Variants in TMEM168 observed in about 807,000 individuals in gnomAD.
TMEM168 encodes transmembrane protein 168.
Under a neutral mutation model 53.2 loss-of-function variants are expected in TMEM168, and 40 were observed. That is an observed-to-expected ratio of 0.75 (90% CI 0.58 to 0.98). The LOEUF (loss-of-function observed/expected upper bound fraction) is 0.98, where lower values mean the gene tolerates loss of function less well. Among genes scored for constraint, TMEM168 ranks in the 50% least tolerant of loss-of-function variants. The pLI, the probability that TMEM168 is intolerant of heterozygous loss-of-function variation, is 0.00. For missense variants in TMEM168, 771 were observed against 828.8 expected, an observed-to-expected ratio of 0.93 and a Z score of 0.86; for synonymous variants, 282 against 293.0, an observed-to-expected ratio of 0.96 and a Z score of 0.38.
chr7:112,785,925 G>A (rs1212219087), intron 1 of TMEM168, among the ~76,000 whole-genome samples: 2 of 152,100 alleles, frequency 1.3e-5, no homozygotes, highest in Admixed American at 1.3e-4. Context: ...AAAGAAACTA[G>A]GGCCAGGCAC....
Position 112,767,205 on chromosome 7 carries a change from T to G in TMEM168, c.2086A>C (p.Lys696Gln). 1.2e-6 allele frequency: 2 copies of G among 1,608,420 alleles called. No homozygotes were observed. Among genetic ancestry groups the G allele is most frequent in the Non-Finnish European group, 1.7e-6 (2 of 1,177,504 alleles). The change falls in exon 5 of 5, where the codon AAA becomes CAA. Residue 696 changes from lysine to glutamine, a missense_variant. Lys to Gln is a moderately conservative substitution (Grantham distance 53). Transcript: ENST00000312814. ...LDTGQGFKLV[K>Q]S is the part of the protein sequence containing the mutation. ...CCGCTTTGGGGTCCAAATTAAGATT[T>G]GACAAGTTTGAAGCCTTGTCCTGTG...
chr7:112,780,433 T>C (rs904987414), intron 2 of TMEM168, among the ~76,000 whole-genome samples: 1 of 152,210 alleles, frequency 6.6e-6, no homozygotes, highest in African/African-American at 2.4e-5. Context: ...CTGCAAATAA[T>C]TTCAGTGTCT....
At chr7:112,789,185 C>A (rs1793474627) in intron 1 of TMEM168, among the ~76,000 whole-genome samples, 1 of 152,164 alleles carries the variant, frequency 6.6e-6, no homozygotes, top group South Asian at 2.1e-4. Context: ...CTGGCTTATT[C>A]CAACTCTTCA....
At chr7:112,780,113 T>G (rs1793189105) in intron 2 of TMEM168, among the ~76,000 whole-genome samples, 1 of 152,202 alleles carries the variant, frequency 6.6e-6, no homozygotes, top group Non-Finnish European at 1.5e-5. Flanking sequence ...GTGGAAGAAG[T>G]AGGGCATAGT....
At position 112,772,931 on chromosome 7, in the gene TMEM168, C is replaced by T; in HGVS notation, c.1396G>A (p.Asp466Asn). The T allele has an allele frequency of 6.2e-7, 1 of 1,614,060 alleles. No individual in the cohort carries two copies. The highest frequency in any genetic ancestry group is 1.1e-5 in the South Asian group (1 of 91,082). The change falls in exon 4 of 5, where the codon GAC becomes AAC. Residue 466 changes from aspartate (D) to asparagine (N), a missense_variant. Asp to Asn is a conservative substitution (Grantham distance 23). Coordinates refer to ENST00000312814, the MANE Select transcript of TMEM168 (RefSeq NM_022484.6). Reference protein sequence around the residue: ...AYHMIETYGCDYSTSGLSFDT... With the variant: ...AYHMIETYGCNYSTSGLSFDT... ...AATGACAGTCCACTTGTGGAATAGT[C>T]ACATCCATAGGTCTCAATCATATGA...
At chr7:112,783,619 C>T (rs1421400805) in intron 2 of TMEM168, 79 bp downstream of exon 2, 4 of 1,321,442 alleles carry the variant, frequency 3.0e-6, no homozygotes, top group Admixed American at 2.8e-5. Context: ...GGAACTTGAC[C>T]TTATAACTTT....
chr7:112,764,147 A>T lies in TMEM168; in HGVS notation c.*3050T>A, dbSNP rs1792716261. 6.6e-6 allele frequency: 1 copy of T among 151,754 alleles called. No individual in the cohort carries two copies. Among genetic ancestry groups the T allele is most frequent in the East Asian group, 1.9e-4 (1 of 5,202 alleles). 9.4% of individuals were successfully genotyped at this position (151,754 alleles called of 1,614,324 possible). A position where few individuals can be genotyped will look rare whatever the true frequency, so the allele number is the denominator to read the frequency against. On this transcript the variant is annotated 3_prime_UTR_variant, in exon 5 of 5. Transcript: ENST00000312814. ...TATAATAATAATAAAATTAAAATAA[A>T]TAAATAATGGTTAAAAAAAGAAAAT...
intron 2 of TMEM168, among the ~76,000 whole-genome samples, chr7:112,777,886 CTGTGTGTGTGTGTGTG>C (rs71155068): frequency 0.092 from 11,566 of 126,028 alleles, 1,277 homozygotes; most frequent in African/African-American, 0.26. Flanking sequence ...GCTCTTGGTG[CTGTGTGTGTGTGTGTG>C]TGTGTGTGTG....
At position 112,762,708 on chromosome 7, in the gene TMEM168, C is replaced by T. The variant is rs1043119362; in HGVS notation, c.*4489G>A. ...GAATATTTCAAAGCAAAAAACCTTACGGGTAGCCCACAGTTTTCAATTTTC... is the reference window on the plus strand; with the variant it reads ...GAATATTTCAAAGCAAAAAACCTTATGGGTAGCCCACAGTTTTCAATTTTC... On this transcript the variant is annotated 3_prime_UTR_variant, in exon 5 of 5. Coordinates refer to ENST00000312814, the MANE Select transcript of TMEM168 (RefSeq NM_022484.6). 8 of 151,986 alleles carry T rather than the reference C, an allele frequency of 5.3e-5. No homozygotes were observed. Among genetic ancestry groups the T allele is most frequent in the South Asian group, 2.1e-4 (1 of 4,820 alleles). The allele number at this position is 151,986 out of a possible 1,614,324, so 9.4% of individuals were successfully genotyped here. A position where few individuals can be genotyped will look rare whatever the true frequency, so the allele number is the denominator to read the frequency against.
chr7:112,788,749 T>A (rs1793458433), intron 1 of TMEM168, among the ~76,000 whole-genome samples: 1 of 152,156 alleles, frequency 6.6e-6, no homozygotes, highest in South Asian at 2.1e-4. Context: ...CTCTCCACCA[T>A]CATCTACATT....
intron 2 of TMEM168, among the ~76,000 whole-genome samples, chr7:112,780,953 A>AC (rs1348407830): frequency 4.6e-5 from 7 of 151,532 alleles, no homozygotes; most frequent in Non-Finnish European, 8.8e-5. Context: ...CAAAAAAAAA[A>AC]AAAAAAAAAA....
intron 4 of TMEM168, 74 bp downstream of exon 4, chr7:112,772,707 C>T: frequency 4.0e-6 from 6 of 1,505,370 alleles, no homozygotes; most frequent in Non-Finnish European, 5.4e-6. Context: ...AATTTAACGA[C>T]TGTGTGTGAA....
intron 4 of TMEM168, among the ~76,000 whole-genome samples, chr7:112,768,379 A>G (rs1170518027): frequency 6.6e-6 from 1 of 152,162 alleles, no homozygotes; most frequent in Non-Finnish European, 1.5e-5. Flanking sequence ...CCCTTTACAG[A>G]AAAAGTTTGC....
chr7:112,773,568 T>C (rs1792989783), intron 3 of TMEM168, among the ~76,000 whole-genome samples: 1 of 152,224 alleles, frequency 6.6e-6, no homozygotes, highest in African/African-American at 2.4e-5. Flanking sequence ...AAATTATCTA[T>C]TAATAGGCAT....
rs765479417 is a variant in TMEM168 at position 112,767,671 on chromosome 7, A to T, written c.1620T>A (p.Leu540=). The T allele has an allele frequency of 5.0e-6, 8 of 1,614,078 alleles. No homozygotes were observed. The East Asian group carries it at 1.6e-4, about 31-fold the overall frequency. The change falls in exon 5 of 5, where the codon CTT becomes CTA. Residue 540 remains leucine, a synonymous_variant. Transcript: ENST00000312814. ...REKNGSFCSR[L]IIVLDSENST... is the part of the protein sequence containing the mutation. ...AATTTTCGCTGTCTAATACGATAAT[A>T]AGCCGGGAACAAAAGGAACCATTCT...
chr7:112,780,205 A>G (rs1482288088), intron 2 of TMEM168, among the ~76,000 whole-genome samples: 1 of 152,236 alleles, frequency 6.6e-6, no homozygotes, highest in Non-Finnish European at 1.5e-5. Flanking sequence ...TAAGTTAATT[A>G]ACCTTTTGAG....
At chr7:112,769,008 T>A (rs977420604) in intron 4 of TMEM168, among the ~76,000 whole-genome samples, 21 of 152,206 alleles carry the variant, frequency 1.4e-4, no homozygotes, top group Admixed American at 1.1e-3. Flanking sequence ...ATGTGGTTTT[T>A]AAAATATTTT....
At chr7:112,788,073 C>A (rs1285781957) in intron 1 of TMEM168, among the ~76,000 whole-genome samples, 1 of 152,114 alleles carries the variant, frequency 6.6e-6, no homozygotes, top group Non-Finnish European at 1.5e-5. Context: ...TTGTTGACTT[C>A]TCTCACCTTC....
At position 112,772,789 on chromosome 7, in the gene TMEM168, GCC is replaced by G; in HGVS notation, c.1536_1537del (p.Trp512CysfsTer11). On this transcript the variant is annotated frameshift_variant, in exon 4 of 5. Transcript: ENST00000312814. LOFTEE classifies it high-confidence loss of function. ...GCCAAAGGTGAGTTTACCTGCTAGA[GCC>G]CACTCTCCTGTACCATGGGTGTGCC... The G allele has an allele frequency of 3.1e-6, 5 of 1,611,434 alleles. No homozygotes were observed. The highest frequency in any genetic ancestry group is 4.2e-6 in the Non-Finnish European group (5 of 1,177,828).
Sources: gnomAD v4.1 joint callset for allele counts (sites outside exome capture counted in the v4.1 genomes callset) on GRCh38, gnomAD v4.1.1 for gene constraint, MANE v1.5 for transcripts, NCBI Gene and HGNC (gene_info 2026-07-23, HGNC 2026-07-21) for gene names.